NKIRAS1: variants seen among roughly 807,000 people sequenced by gnomAD.
The protein encoded by NKIRAS1 is NFKB inhibitor interacting Ras like 1.
A neutral mutation model predicts 19.8 loss-of-function variants in NKIRAS1; 16 were observed. The ratio of observed to expected loss-of-function variants is 0.81; its 90% CI spans 0.55 to 1.23. The LOEUF (loss-of-function observed/expected upper bound fraction) is 1.23, where lower values mean the gene tolerates loss of function less well. NKIRAS1 is among the 50% of genes most tolerant of loss of function. The pLI is 0.00. For missense variants in NKIRAS1, 184 were observed against 220.0 expected (o/e 0.84, Z 1.04); for synonymous variants, 88 against 79.0 (o/e 1.11, Z -0.61).
upstream of NKIRAS1, chr3:23,919,940 A>G (rs1206583915): frequency 2.0e-5 from 20 of 989,426 alleles, no homozygotes; most frequent in Non-Finnish European, 2.2e-5. Context: ...GCTTTAGAAA[A>G]TCTGGGTTAG....
intron 3 of NKIRAS1, among the ~76,000 whole-genome samples, chr3:23,908,373 A>G (rs536767942): frequency 6.6e-6 from 1 of 152,296 alleles, no homozygotes; most frequent in Non-Finnish European, 1.5e-5. Flanking sequence ...AATACCCATA[A>G]TTACCTGAAA....
intron 1 of NKIRAS1, among the ~76,000 whole-genome samples, chr3:23,942,042 G>T (rs914051805): frequency 6.6e-6 from 1 of 151,898 alleles, no homozygotes; most frequent in Non-Finnish European, 1.5e-5. Context: ...GCAGTGGCAT[G>T]ATCTCAGCTT....
intron 3 of NKIRAS1, among the ~76,000 whole-genome samples, chr3:23,902,243 T>C (rs936456525): frequency 1.3e-5 from 2 of 152,166 alleles, no homozygotes; most frequent in African/African-American, 4.8e-5. Context: ...TTGTTCCAGA[T>C]GCCTTACATG....
rs141063650 is a variant in NKIRAS1, at chr3:23,934,044, A to T, written c.-140+12279T>A. Among the ~76,000 whole-genome samples the T allele has an allele frequency of 5.7e-3, 862 of 152,332 alleles. 5 individuals are homozygous for T. Among genetic ancestry groups the T allele is most frequent in the Non-Finnish European group, 9.6e-3 (655 of 68,034 alleles). On this transcript the variant is annotated intron_variant, in intron 1 of 4. Transcript: ENST00000421515. ...CACCTCTTAATACTATCGCATAGTGATTAAGTTTCAATATATTAATTTGGA... is the reference window on the plus strand; with the variant it reads ...CACCTCTTAATACTATCGCATAGTGTTTAAGTTTCAATATATTAATTTGGA...
Position 23,892,302 on chromosome 3 carries a change from A to G in NKIRAS1, c.*793T>C, listed in dbSNP as rs1463691161. 5 of 152,172 alleles carry G rather than the reference A, an allele frequency of 3.3e-5. No individual in the cohort carries two copies. Among genetic ancestry groups the G allele is most frequent in the African/African-American group, 9.7e-5 (4 of 41,450 alleles). 9.4% of individuals were successfully genotyped at this position (152,172 alleles called of 1,614,324 possible). On this transcript the variant is annotated 3_prime_UTR_variant, in exon 5 of 5. Transcript: ENST00000425478. ...AGAGCCCAATATTTTTGATACTTTT[A>G]TTGTATATGACTAGTTTTCTAGAAA...
intron 3 of NKIRAS1, among the ~76,000 whole-genome samples, chr3:23,906,114 G>A (rs1316033770): frequency 7.0e-6 from 1 of 143,248 alleles, no homozygotes; most frequent in African/African-American, 2.6e-5. Flanking sequence ...AGCCGAGATC[G>A]TGCCACTGCA....
At chr3:23,920,179 C>T, upstream of NKIRAS1, 1 of 985,510 alleles carries the variant, frequency 1.0e-6, no homozygotes, top group African/African-American at 1.7e-5. Flanking sequence ...TAGATAAATA[C>T]CTTTCAAGTG....
intron 3 of NKIRAS1, among the ~76,000 whole-genome samples, chr3:23,909,121 T>C (rs1384557301): frequency 2.0e-5 from 3 of 152,204 alleles, no homozygotes; most frequent in Non-Finnish European, 4.4e-5. Context: ...TGAGAACTAC[T>C]GACATAGGTA....
chr3:23,904,774 A>G lies in NKIRAS1; in HGVS notation c.95-3725T>C, dbSNP rs138454749. Reference sequence around the variant, plus strand: ...ATAAAGTTAAAGAGACACACCTTCTATGAATCAGCAATTTCTAGATATGTA... The same window carrying G: ...ATAAAGTTAAAGAGACACACCTTCTGTGAATCAGCAATTTCTAGATATGTA... On this transcript the variant is annotated intron_variant, in intron 3 of 4. Coordinates refer to ENST00000425478, the MANE Select transcript of NKIRAS1 (RefSeq NM_020345.4). Among the ~76,000 whole-genome samples the G allele has an allele frequency of 4.6e-5, 7 of 152,340 alleles. No individual in the cohort carries two copies. In the East Asian group the frequency reaches 1.4e-3, roughly 29 times the overall value.
chr3:23,921,773 CTA>C, upstream of NKIRAS1: 4 of 591,650 alleles, frequency 6.8e-6, no homozygotes, highest in Non-Finnish European at 1.2e-5. Flanking sequence ...CTGGGTTTCA[CTA>C]TGTTGGCCAG....
chr3:23,908,672 ATTTTCC>A (rs1703319204), intron 3 of NKIRAS1, among the ~76,000 whole-genome samples: 2 of 151,808 alleles, frequency 1.3e-5, no homozygotes, highest in Admixed American at 6.6e-5. Flanking sequence ...AAATGTCTCC[ATTTTCC>A]TTTTCTTTTT....
chr3:23,936,830 G>C (rs1215977352), intron 1 of NKIRAS1, among the ~76,000 whole-genome samples: 2 of 152,256 alleles, frequency 1.3e-5, no homozygotes, highest in African/African-American at 4.8e-5. Flanking sequence ...ACAGGCGTGA[G>C]CCACTGCACT....
chr3:23,914,811 T>C (rs530757270), intron 1 of NKIRAS1, among the ~76,000 whole-genome samples: 1 of 152,370 alleles, frequency 6.6e-6, no homozygotes, highest in South Asian at 2.1e-4. Flanking sequence ...TTATTCACAC[T>C]ACTAGAATTG....
At chr3:23,919,054 T>C (rs1704904457), upstream of NKIRAS1, 1 of 634,884 alleles carries the variant, frequency 1.6e-6, no homozygotes. Flanking sequence ...TGTGATAGTC[T>C]AGGGAGAAAT....
intron 4 of NKIRAS1, among the ~76,000 whole-genome samples, chr3:23,898,646 A>G (rs1188814358): frequency 6.6e-6 from 1 of 151,996 alleles, no homozygotes; most frequent in Non-Finnish European, 1.5e-5. Context: ...GGGTTCCACC[A>G]TGTTGGTCAA....
At chr3:23,904,973 A>G (rs750209408) in intron 3 of NKIRAS1, among the ~76,000 whole-genome samples, 10 of 152,186 alleles carry the variant, frequency 6.6e-5, no homozygotes, top group Non-Finnish European at 1.3e-4. Flanking sequence ...AACCACAGCT[A>G]CGGCAAAATG....
At chr3:23,944,695 T>C (rs1207496978) in intron 1 of NKIRAS1, among the ~76,000 whole-genome samples, 1 of 152,124 alleles carries the variant, frequency 6.6e-6, no homozygotes, top group African/African-American at 2.4e-5. Flanking sequence ...AGGTCTTGGC[T>C]TGAAATATAA....
chr3:23,936,788 C>T (rs879266363), intron 1 of NKIRAS1, among the ~76,000 whole-genome samples: 17 of 152,186 alleles, frequency 1.1e-4, no homozygotes, highest in Non-Finnish European at 2.4e-4. Flanking sequence ...CCTTGTGATC[C>T]GCCTGCCTCG....
At chr3:23,932,711 A>T (rs1313235252) in intron 1 of NKIRAS1, among the ~76,000 whole-genome samples, 1 of 151,338 alleles carries the variant, frequency 6.6e-6, no homozygotes, top group African/African-American at 2.4e-5. Context: ...AAAAAAAAGT[A>T]ACTTCTATAG....
Sources: allele counts gnomAD v4.1 joint callset (sites outside exome capture counted in the v4.1 genomes callset), GRCh38; gene constraint gnomAD v4.1.1; transcripts MANE v1.5; gene names NCBI Gene and HGNC (gene_info 2026-07-23, HGNC 2026-07-21).